Variants in RYR3 observed in about 807,000 individuals in gnomAD.
The protein encoded by RYR3 is ryanodine receptor 3, also known as brain ryanodine receptor-calcium release channel.
Under a neutral mutation model 584.3 loss-of-function variants are expected in RYR3, and 207 were observed. That is an observed-to-expected ratio of 0.35 (90% CI 0.32 to 0.40). The LOEUF is 0.40. Ranked by LOEUF, RYR3 falls within the 10% of genes least tolerant of loss-of-function variation. The probability of loss-of-function intolerance (pLI) is 1.00; values close to 1 mark genes in which losing one functional copy is unlikely to be tolerated. For missense variants in RYR3, 5,616 were observed against 6,089.2 expected (o/e 0.92, Z 2.59); for synonymous variants, 2,416 against 2,248.5 (o/e 1.07, Z -2.11).
intron 60 of RYR3, among the ~76,000 whole-genome samples, chr15:33,757,993 C>T (rs989966549): frequency 3.3e-5 from 5 of 152,056 alleles, no homozygotes; most frequent in South Asian, 2.1e-4. Context: ...CCAAGGAGGG[C>T]GAGCCAAAGC....
At chr15:33,366,649 T>C (rs1220778678) in intron 1 of RYR3, among the ~76,000 whole-genome samples, 3 of 152,128 alleles carry the variant, frequency 2.0e-5, no homozygotes, top group Admixed American at 6.5e-5. Context: ...TGGACAAAGA[T>C]AAATCAGAGG....
At chr15:33,825,579 T>C in intron 81 of RYR3, 24 bp from the exon 82 acceptor site, 1 of 1,562,508 alleles carries the variant, frequency 6.4e-7, no homozygotes, top group Non-Finnish European at 8.8e-7. Flanking sequence ...GCCCTGAACC[T>C]TGTTTCTTTC....
intron 52 of RYR3, among the ~76,000 whole-genome samples, chr15:33,743,560 G>A (rs2070385510): frequency 6.6e-6 from 1 of 152,216 alleles, no homozygotes; most frequent in Non-Finnish European, 1.5e-5. Context: ...TAGAGCATCT[G>A]CGTTTTCTGA....
chr15:33,745,085 GAGACAGAC>G (rs144070389), intron 52 of RYR3, among the ~76,000 whole-genome samples: 1 of 152,142 alleles, frequency 6.6e-6, no homozygotes, highest in African/African-American at 2.4e-5. Flanking sequence ...GTGGGTGAGA[GAGACAGAC>G]AGACAGACAG....
At chr15:33,397,115 G>A (rs541446570) in intron 1 of RYR3, among the ~76,000 whole-genome samples, 10 of 152,152 alleles carry the variant, frequency 6.6e-5, no homozygotes, top group Non-Finnish European at 1.3e-4. Context: ...TTTAGAAAAG[G>A]AGAAGAAAGA....
At chr15:33,567,852 A>T (rs1482154456) in intron 12 of RYR3, among the ~76,000 whole-genome samples, 2 of 152,220 alleles carry the variant, frequency 1.3e-5, no homozygotes, top group Non-Finnish European at 2.9e-5. Flanking sequence ...ATGCTGATGC[A>T]TGCTAAAATT....
chr15:33,540,963 C>A lies in RYR3; in HGVS notation c.646+73C>A, dbSNP rs2141150663. ...GAGCTGTATACATTGACATTTTCTG[C>A]TACTTCCCAGATCTCACCTGAATGT... On this transcript the variant is annotated intron_variant, in intron 7 of 103. Transcript: ENST00000634891. 3 of 961,130 alleles carry A rather than the reference C, an allele frequency of 3.1e-6. No homozygotes were observed. In the South Asian group the frequency reaches 4.1e-5, roughly 13 times the overall value. The allele number at this position is 961,130 out of a possible 1,614,324, so 59.5% of individuals were successfully genotyped here.
At chr15:33,428,797 GA>G (rs376192564) in intron 1 of RYR3, among the ~76,000 whole-genome samples, 9 of 152,000 alleles carry the variant, frequency 5.9e-5, no homozygotes, top group African/African-American at 2.2e-4. Flanking sequence ...ACATGTTAGT[GA>G]AAAAAAGTCA....
chr15:33,771,088 C>A (rs572284642), intron 62 of RYR3, among the ~76,000 whole-genome samples: 1 of 151,830 alleles, frequency 6.6e-6, no homozygotes, highest in Admixed American at 6.5e-5. Flanking sequence ...TACTTTAAAA[C>A]GGCTAGTTGT....
At chr15:33,679,193 AG>A (rs2064407428) in intron 38 of RYR3, among the ~76,000 whole-genome samples, 1 of 133,562 alleles carries the variant, frequency 7.5e-6, no homozygotes, top group South Asian at 2.6e-4. Flanking sequence ...CTAAATCTAG[AG>A]GGTGTTATTG....
intron 40 of RYR3, among the ~76,000 whole-genome samples, chr15:33,699,135 C>T (rs537399010): frequency 2.6e-5 from 4 of 152,154 alleles, no homozygotes; most frequent in Admixed American, 2.6e-4. Context: ...TTCAGACTTG[C>T]GTAACTGTAG....
chr15:33,488,138 T>C (rs777781512), intron 2 of RYR3, among the ~76,000 whole-genome samples: 3 of 152,244 alleles, frequency 2.0e-5, no homozygotes, highest in Non-Finnish European at 4.4e-5. Context: ...TGATAACTTA[T>C]CTGCTTGAGG....
chr15:33,355,571 G>A (rs1031067689), intron 1 of RYR3, among the ~76,000 whole-genome samples: 2 of 152,190 alleles, frequency 1.3e-5, no homozygotes, highest in African/African-American at 2.4e-5. Flanking sequence ...GACAATCAAA[G>A]CCACGATTTA....
At chr15:33,510,087 T>C (rs576742719) in intron 3 of RYR3, among the ~76,000 whole-genome samples, 36 of 152,364 alleles carry the variant, frequency 2.4e-4, no homozygotes, top group African/African-American at 8.7e-4. Context: ...TGCTCTCATG[T>C]GCAAAAGCTT....
At chr15:33,615,907 C>T (rs964836233) in intron 19 of RYR3, among the ~76,000 whole-genome samples, 18 of 152,142 alleles carry the variant, frequency 1.2e-4, no homozygotes, top group African/African-American at 4.3e-4. Context: ...CACTCCACTC[C>T]TTAGGAATAA....
chr15:33,854,267 TA>T, intron 96 of RYR3, 121 bp from the exon 97 acceptor site: 1 of 728,080 alleles, frequency 1.4e-6, no homozygotes. Flanking sequence ...TACAACTTGA[TA>T]AAGCTGAGAG....
intron 1 of RYR3, among the ~76,000 whole-genome samples, chr15:33,457,077 A>G (rs968474138): frequency 1.3e-5 from 2 of 152,214 alleles, no homozygotes; most frequent in Non-Finnish European, 2.9e-5. Context: ...GTATAATACT[A>G]TTGTGTAACT....
intron 62 of RYR3, among the ~76,000 whole-genome samples, chr15:33,769,504 G>A (rs1896932): frequency 0.038 from 5,801 of 151,650 alleles, 373 homozygotes; most frequent in African/African-American, 0.13. Context: ...GAACCACAGC[G>A]CTCTGAATTC....
intron 1 of RYR3, among the ~76,000 whole-genome samples, chr15:33,349,586 T>C (rs1488738872): frequency 1.4e-5 from 2 of 148,082 alleles, no homozygotes; most frequent in East Asian, 2.1e-4. Context: ...CTTTTTTTTT[T>C]CTTCAGATTT....
Sources: allele counts gnomAD v4.1 joint callset (sites outside exome capture counted in the v4.1 genomes callset), GRCh38; gene constraint gnomAD v4.1.1; transcripts MANE v1.5; gene names NCBI Gene and HGNC (gene_info 2026-07-23, HGNC 2026-07-21).